JAKMIP3: variants seen among roughly 807,000 people sequenced by gnomAD.
JAKMIP3 encodes Janus kinase and microtubule interacting protein 3.
A neutral mutation model predicts 118.5 loss-of-function variants in JAKMIP3; 58 were observed. That is an observed-to-expected ratio of 0.49 (90% CI 0.40 to 0.61). The LOEUF (loss-of-function observed/expected upper bound fraction) is 0.61. Ranked by LOEUF, JAKMIP3 falls within the 20% of genes least tolerant of loss-of-function variation. JAKMIP3 has a pLI of 0.00. For missense variants in JAKMIP3, 950 were observed against 1,109.0 expected (o/e 0.86, Z 2.04); for synonymous variants, 486 against 451.2 (o/e 1.08, Z -0.98).
chr10:132,140,325 C>T, intron 9 of JAKMIP3, 126 bp from the exon 10 acceptor site: 2 of 1,380,972 alleles, frequency 1.4e-6, no homozygotes, highest in South Asian at 1.3e-5. Flanking sequence ...GTGCCAGGGA[C>T]AGAGATGGGA....
At chr10:132,041,586 G>A (rs1173904619) in intron 1 of JAKMIP3, among the ~76,000 whole-genome samples, 1 of 152,258 alleles carries the variant, frequency 6.6e-6, no homozygotes, top group Non-Finnish European at 1.5e-5. Context: ...GGCTGGGCCA[G>A]CAAGGCCGAC....
upstream of JAKMIP3, among the ~76,000 whole-genome samples, chr10:132,064,882 G>C (rs9419175): frequency 0.08 from 12,106 of 152,160 alleles, 606 homozygotes; most frequent in East Asian, 0.3. The surrounding 1 kb of genome is among the most constrained non-coding windows in gnomAD (Gnocchi z 4.4). Context: ...GATGCCTGCC[G>C]GTCTCAGCTT....
chr10:132,151,783 T>A (rs916293491), intron 16 of JAKMIP3, among the ~76,000 whole-genome samples: 1 of 152,004 alleles, frequency 6.6e-6, no homozygotes, highest in African/African-American at 2.4e-5. Context: ...GCAGTCATCA[T>A]GCAGCCTCTG....
chr10:132,138,302 C>T (rs879105517), intron 9 of JAKMIP3, 124 bp downstream of exon 9: 1 of 866,484 alleles, frequency 1.2e-6, no homozygotes, highest in South Asian at 1.6e-5. Flanking sequence ...GTGGAGGGCG[C>T]TGGGTGTGTG....
intron 9 of JAKMIP3, among the ~76,000 whole-genome samples, chr10:132,139,151 TGA>T (rs1245087922): frequency 4.1e-5 from 6 of 146,478 alleles, no homozygotes; most frequent in East Asian, 2.0e-4. Context: ...TATGTGAGTA[TGA>T]GTGTGTATGT....
At chr10:132,079,002 C>T (rs548258481) in intron 1 of JAKMIP3, among the ~76,000 whole-genome samples, 29 of 152,304 alleles carry the variant, frequency 1.9e-4, no homozygotes, top group Non-Finnish European at 2.5e-4. Flanking sequence ...CTCAGACAAG[C>T]GGCGCATGGG....
intron 19 of JAKMIP3, among the ~76,000 whole-genome samples, chr10:132,155,657 T>A (rs1408586538): frequency 6.6e-6 from 1 of 152,176 alleles, no homozygotes; most frequent in Non-Finnish European, 1.5e-5. Context: ...CCACTAGGGA[T>A]TGGGAGTTCC....
intron 22 of JAKMIP3, among the ~76,000 whole-genome samples, 154 bp downstream of exon 22, chr10:132,167,209 C>T (rs893752860): frequency 3.9e-5 from 5 of 128,762 alleles, no homozygotes; most frequent in South Asian, 4.6e-4. Flanking sequence ...GAAAGCCACC[C>T]GCGTCCTTCA....
chr10:132,074,777 C>T (rs1353715343), intron 1 of JAKMIP3, among the ~76,000 whole-genome samples: 1 of 152,074 alleles, frequency 6.6e-6, no homozygotes, highest in Non-Finnish European at 1.5e-5. Context: ...AAGAGTTTTC[C>T]TAGGTTTTCT....
chr10:132,120,695 C>T (rs1262446553), intron 3 of JAKMIP3, among the ~76,000 whole-genome samples: 5 of 152,204 alleles, frequency 3.3e-5, no homozygotes, highest in African/African-American at 1.2e-4. Flanking sequence ...ATCCAGCCAC[C>T]GGGACCCTTT....
At chr10:132,175,168 G>A (rs1020744446) in intron 23 of JAKMIP3, among the ~76,000 whole-genome samples, 7 of 152,170 alleles carry the variant, frequency 4.6e-5, no homozygotes, top group Non-Finnish European at 1.0e-4. Flanking sequence ...TTAGAACTAA[G>A]AAAACCTTGC....
Position 132,180,738 on chromosome 10 carries a change from CGTGCGTGCGCGCGCGTGTGTGCGTGT to C in JAKMIP3, c.*1104-1615_*1104-1590del, listed in dbSNP as rs2061192133. 2.7e-4 allele frequency among the ~76,000 whole-genome samples: 2 copies of C among 7,480 alleles called. 1 individual carries two copies. Among genetic ancestry groups the C allele is most frequent in the South Asian group, 9.3e-3 (2 of 214 alleles). The allele number at this position is 7,480 out of a possible 152,430, so 4.9% of individuals were successfully genotyped here. A position where few individuals can be genotyped will look rare whatever the true frequency, so the allele number is the denominator to read the frequency against. On this transcript the variant is annotated intron_variant, in intron 23 of 23. Transcript: ENST00000684848. ...GTGTGTGCGTGTGTGTGCGTGTGTG[CGTGCGTGCGCGCGCGTGTGTGCGTGT>C]GTGTGCGTGTGTGTGTGTGCGCGTA... is the stretch of plus-strand genomic sequence containing the variant.
intron 2 of JAKMIP3, among the ~76,000 whole-genome samples, chr10:132,113,247 C>T (rs2047137354): frequency 2.0e-5 from 3 of 152,210 alleles, no homozygotes; most frequent in South Asian, 2.1e-4. Context: ...AAGTTGAATG[C>T]ACCCAGTCAC....
chr10:132,149,558 C>CCGCCCCACCCCCTCTCCGCCCT, intron 15 of JAKMIP3, 48 bp downstream of exon 15: 1 of 843,562 alleles, frequency 1.2e-6, no homozygotes, highest in Non-Finnish European at 1.7e-6. Context: ...CACCCATCCC[C>CCGCCCCACCCCCTCTCCGCCCT]CGCCCCACCC....
rs575532988 is a variant in JAKMIP3, at chr10:132,104,609, C to T, written c.-137-63C>T. The T allele has an allele frequency of 4.9e-4, 292 of 598,616 alleles. 2 individuals carry two copies. The South Asian group carries it at 5.3e-3, about 11-fold the overall frequency. 37.1% of individuals were successfully genotyped at this position (598,616 alleles called of 1,614,324 possible). ...ACGTGCCCCTGCCCCGGCACACAAG[C>T]CCCTGAGCTCCAGGCCACGGCTCCG... On this transcript the variant is annotated intron_variant, in intron 1 of 23. Coordinates refer to ENST00000684848, the MANE Select transcript of JAKMIP3 (RefSeq NM_001323087.2).
chr10:132,132,404 C>T (rs895695073), intron 3 of JAKMIP3, among the ~76,000 whole-genome samples: 19 of 152,156 alleles, frequency 1.2e-4, no homozygotes, highest in African/African-American at 4.3e-4. Flanking sequence ...GTCTGAAGAG[C>T]GGGGGCTGTC....
chr10:132,132,761 C>T (rs2050880010), intron 3 of JAKMIP3, among the ~76,000 whole-genome samples: 1 of 152,220 alleles, frequency 6.6e-6, no homozygotes, highest in Non-Finnish European at 1.5e-5. Flanking sequence ...CACAGTGGTG[C>T]CCCTACGTTG....
At chr10:132,164,770 A>G (rs2058721636) in intron 21 of JAKMIP3, 35 bp downstream of exon 21, 1 of 1,448,150 alleles carries the variant, frequency 6.9e-7, no homozygotes, top group African/African-American at 1.4e-5. Flanking sequence ...TTGCTTGTTA[A>G]GATCAAGGGA....
At chr10:132,138,484 GGT>G (rs1445524114) in intron 9 of JAKMIP3, among the ~76,000 whole-genome samples, 1 of 152,058 alleles carries the variant, frequency 6.6e-6, no homozygotes, top group African/African-American at 2.4e-5. Flanking sequence ...GGAGAGCGCT[GGT>G]GTGTGTGGAG....
Sources: gnomAD v4.1 joint callset for allele counts (sites outside exome capture counted in the v4.1 genomes callset) on GRCh38, gnomAD v4.1.1 for gene constraint, Gnocchi (gnomAD v3.1) non-coding constraint, MANE v1.5 for transcripts, NCBI Gene and HGNC (gene_info 2026-07-23, HGNC 2026-07-21) for gene names.